The following FRYL variants were observed in gnomAD, a reference collection of about 807,000 sequenced individuals.
FRYL encodes FRY like transcription coactivator.
A neutral mutation model predicts 351.2 loss-of-function variants in FRYL; 150 were observed. The observed-to-expected ratio is 0.43, with a 90% confidence interval of 0.37 to 0.49. FRYL has a LOEUF of 0.49. FRYL is among the 20% of genes least tolerant of loss of function. The pLI is 0.00. For synonymous variants in FRYL, 1,153 were observed against 1,257.1 expected, an observed-to-expected ratio of 0.92 and a Z score of 1.75; for missense variants, 3,036 against 3,619.3, an observed-to-expected ratio of 0.84 and a Z score of 4.13.
intron 1 of FRYL, among the ~76,000 whole-genome samples, chr4:48,715,950 G>C (rs1231944369): frequency 5.3e-5 from 8 of 152,176 alleles, no homozygotes; most frequent in South Asian, 4.1e-4. Flanking sequence ...GAACAGAACA[G>C]AGCCCTCAGA....
intron 55 of FRYL, among the ~76,000 whole-genome samples, chr4:48,519,011 A>T (rs1724305115): frequency 6.6e-6 from 1 of 152,252 alleles, no homozygotes; most frequent in Admixed American, 6.5e-5. Context: ...CACATAAATG[A>T]ATGCTCACAT....
intron 3 of FRYL, among the ~76,000 whole-genome samples, chr4:48,663,799 A>G (rs1442145472): frequency 6.7e-6 from 1 of 149,392 alleles, no homozygotes; most frequent in African/African-American, 2.4e-5. Flanking sequence ...AAAAAAAAAG[A>G]GATCCCCTTG....
chr4:48,527,427 T>C, intron 53 of FRYL, 50 bp downstream of exon 53: 1 of 1,450,046 alleles, frequency 6.9e-7, no homozygotes, highest in South Asian at 1.3e-5. Context: ...AATCCTTAAT[T>C]CTCATACAAC....
At chr4:48,696,175 G>A (rs1417572329) in intron 2 of FRYL, among the ~76,000 whole-genome samples, 1 of 152,104 alleles carries the variant, frequency 6.6e-6, no homozygotes, top group Non-Finnish European at 1.5e-5. Context: ...TCCCATTACT[G>A]GGTATGTACC....
intron 18 of FRYL, 147 bp downstream of exon 18, chr4:48,589,598 G>A: frequency 1.4e-6 from 1 of 706,710 alleles, no homozygotes; most frequent in Non-Finnish European, 2.3e-6. Context: ...AACTGAGTGT[G>A]TGGAAGGAAT....
At position 48,657,513 on chromosome 4, in the gene FRYL, C is replaced by T. The variant is rs181087503; in HGVS notation, c.-80-23023G>A. Reference sequence around the variant, plus strand: ...TTCACAGAAACTAAGTCACGGCCACCGCCTAGAGCTTACTGCAAGATTGTC... The same window carrying T: ...TTCACAGAAACTAAGTCACGGCCACTGCCTAGAGCTTACTGCAAGATTGTC... On this transcript the variant is annotated intron_variant, in intron 3 of 63. Transcript: ENST00000358350. 5.7e-4 allele frequency among the ~76,000 whole-genome samples: 87 copies of T among 152,228 alleles called. No individual in the cohort carries two copies. The East Asian group carries it at 0.014, about 24-fold the overall frequency.
chr4:48,539,227 G>A (rs772119568), intron 47 of FRYL, among the ~76,000 whole-genome samples: 24 of 152,132 alleles, frequency 1.6e-4, no homozygotes, highest in Non-Finnish European at 2.9e-4. Flanking sequence ...AAAGAATGGA[G>A]TAGAGAGAGA....
At chr4:48,612,867 G>A (rs1448669205) in intron 7 of FRYL, among the ~76,000 whole-genome samples, 1 of 152,072 alleles carries the variant, frequency 6.6e-6, no homozygotes, top group African/African-American at 2.4e-5. Flanking sequence ...GGGATTACAG[G>A]CGTGAGCCAC....
At chr4:48,615,998 A>C (rs2149304692) in intron 7 of FRYL, among the ~76,000 whole-genome samples, 1 of 152,288 alleles carries the variant, frequency 6.6e-6, no homozygotes, top group African/African-American at 2.4e-5. Context: ...CTCACTCATA[A>C]ACGGGAGTTG....
chr4:48,529,347 C>T (rs1159777196), intron 50 of FRYL, among the ~76,000 whole-genome samples: 1 of 152,140 alleles, frequency 6.6e-6, no homozygotes, highest in African/African-American at 2.4e-5. Context: ...TGGTGTATCT[C>T]CAGTGCCTAT....
rs746962850 is a variant in FRYL at position 48,593,280 on chromosome 4, A to AAAC, written c.1335+649_1335+650insGTT. Among the ~76,000 whole-genome samples, 36 of 151,666 alleles carry AAAC rather than the reference A, an allele frequency of 2.4e-4. 1 individual carries two copies. The highest frequency in any genetic ancestry group is 4.9e-4 in the Non-Finnish European group (33 of 67,862). ...TAAAAAAAAAAACAACCAAAAAAAA[A>AAAC]AAAACCTGGGCTCATTATAACTTCC... On this transcript the variant is annotated intron_variant, in intron 16 of 63. Coordinates refer to ENST00000358350, the MANE Select transcript of FRYL (RefSeq NM_015030.2).
At chr4:48,582,850 A>G (rs973435079) in intron 19 of FRYL, 116 bp from the exon 20 acceptor site, 66 of 713,410 alleles carry the variant, frequency 9.3e-5, no homozygotes, top group Non-Finnish European at 1.5e-4. Context: ...TGTAAGAAAT[A>G]TGAAGATAGC....
At chr4:48,535,881 C>T in intron 47 of FRYL, 54 bp from the exon 48 acceptor site, 1 of 1,296,190 alleles carries the variant, frequency 7.7e-7, no homozygotes. Context: ...ACAAGTTTAA[C>T]TTGATTTTAT....
Position 48,501,742 on chromosome 4 carries a change from A to G in FRYL, c.8482-9T>C. 1 of 1,420,146 alleles carries G rather than the reference A, an allele frequency of 7.0e-7. No homozygotes were observed. 88.0% of individuals were successfully genotyped at this position (1,420,146 alleles called of 1,614,324 possible). On this transcript the variant is annotated splice_polypyrimidine_tract_variant and intron_variant, in intron 61 of 63. Transcript: ENST00000358350. ...CGGCAGAGCTCCAATTCCTAGAAAT[A>G]AATAACATTACATTAAATTTAGGTG...
rs1242323022 is a variant in FRYL at position 48,650,853 on chromosome 4, T to C, written c.-80-16363A>G. Among the ~76,000 whole-genome samples, 13 of 152,216 alleles carry C rather than the reference T, an allele frequency of 8.5e-5. No homozygotes were observed. The South Asian group carries it at 2.7e-3, about 32-fold the overall frequency. ...TGAAGAGAGGCCTGAACTAGGATAGTGGCTGTGGAGAGGAGAGACTACGGA... is the reference window on the plus strand; with the variant it reads ...TGAAGAGAGGCCTGAACTAGGATAGCGGCTGTGGAGAGGAGAGACTACGGA... On this transcript the variant is annotated intron_variant, in intron 3 of 63. Transcript: ENST00000358350.
chr4:48,656,351 CTAAA>C (rs1380176684), intron 3 of FRYL, among the ~76,000 whole-genome samples: 4 of 132,384 alleles, frequency 3.0e-5, no homozygotes, highest in African/African-American at 1.1e-4. Context: ...ATAATATATA[CTAAA>C]TATATTATAT....
At chr4:48,716,794 A>G (rs900782695) in intron 1 of FRYL, among the ~76,000 whole-genome samples, 8 of 151,640 alleles carry the variant, frequency 5.3e-5, no homozygotes, top group African/African-American at 1.9e-4. Context: ...AGGACTATAA[A>G]TCAAGCTGCT....
chr4:48,741,303 G>A (rs950918785), intron 1 of FRYL, among the ~76,000 whole-genome samples: 2 of 152,116 alleles, frequency 1.3e-5, no homozygotes, highest in Non-Finnish European at 2.9e-5. Context: ...CACCACTTTG[G>A]GAGGCCGAGG....
At chr4:48,677,861 C>T (rs1277207839) in intron 3 of FRYL, among the ~76,000 whole-genome samples, 1 of 152,162 alleles carries the variant, frequency 6.6e-6, no homozygotes, top group Non-Finnish European at 1.5e-5. Flanking sequence ...TCCATATCAT[C>T]GAGTTCTCCT....
Sources: gnomAD v4.1 joint callset for allele counts (sites outside exome capture counted in the v4.1 genomes callset) on GRCh38, gnomAD v4.1.1 for gene constraint, MANE v1.5 for transcripts, NCBI Gene and HGNC (gene_info 2026-07-23, HGNC 2026-07-21) for gene names.